The following MEGF11 variants were observed in gnomAD, a reference collection of about 807,000 sequenced individuals.
MEGF11 encodes the protein multiple epidermal growth factor-like domains protein 11.
A neutral mutation model predicts 146.6 loss-of-function variants in MEGF11; 126 were observed. The ratio of observed to expected loss-of-function variants is 0.86; its 90% CI spans 0.74 to 1.00. The LOEUF (loss-of-function observed/expected upper bound fraction) is 1.00, where lower values mean the gene tolerates loss of function less well. Among genes scored for constraint, MEGF11 ranks in the 50% least tolerant of loss-of-function variants. The pLI, the probability that MEGF11 is intolerant of heterozygous loss-of-function variation, is 0.00. For synonymous variants in MEGF11, 532 were observed against 583.4 expected, an observed-to-expected ratio of 0.91 and a Z score of 1.27; for missense variants, 1,509 against 1,521.2, an observed-to-expected ratio of 0.99 and a Z score of 0.13.
At chr15:65,938,899 G>C (rs1475030566) in intron 10 of MEGF11, among the ~76,000 whole-genome samples, 1 of 152,176 alleles carries the variant, frequency 6.6e-6, no homozygotes, top group African/African-American at 2.4e-5. Context: ...TTTCTCCCCT[G>C]CAATATGCTG....
chr15:66,048,425 G>A (rs978868173), intron 5 of MEGF11, among the ~76,000 whole-genome samples: 1 of 152,256 alleles, frequency 6.6e-6, no homozygotes, highest in Non-Finnish European at 1.5e-5. Context: ...AACAGCCATT[G>A]GCATGGATTT....
chr15:65,942,974 CTTTTTTTTTTTTTTTTTTT>C (rs58874869), intron 10 of MEGF11, among the ~76,000 whole-genome samples: 3 of 47,620 alleles, frequency 6.3e-5, no homozygotes, highest in Admixed American at 2.6e-4. Context: ...AACAACTTGG[CTTTTTTTTTTTTTTTTTTT>C]TTTTTTTTTT....
At chr15:66,217,112 G>A (rs2091604713) in intron 1 of MEGF11, among the ~76,000 whole-genome samples, 5 of 151,490 alleles carry the variant, frequency 3.3e-5, no homozygotes, top group Admixed American at 3.3e-4. Context: ...AAATCTTGCT[G>A]CATGAGATCT....
chr15:66,099,561 G>A (rs2086700689), intron 4 of MEGF11, among the ~76,000 whole-genome samples: 1 of 152,090 alleles, frequency 6.6e-6, no homozygotes, highest in Admixed American at 6.6e-5. Flanking sequence ...CAAGGTCCCT[G>A]CTCTGCCACT....
intron 1 of MEGF11, among the ~76,000 whole-genome samples, chr15:66,223,163 G>A (rs776501439): frequency 6.6e-5 from 10 of 152,172 alleles, no homozygotes; most frequent in Non-Finnish European, 1.3e-4. Context: ...GCAATAAAAA[G>A]GAATGAAGTA....
intron 9 of MEGF11, 55 bp downstream of exon 9, chr15:65,964,853 C>G: frequency 6.8e-7 from 1 of 1,479,298 alleles, no homozygotes; most frequent in Non-Finnish European, 9.1e-7. Flanking sequence ...CAAGCCTCCT[C>G]TCTACCTGAG....
chr15:65,976,650 C>A (rs1234504756), intron 7 of MEGF11, among the ~76,000 whole-genome samples: 1 of 152,238 alleles, frequency 6.6e-6, no homozygotes, highest in African/African-American at 2.4e-5. Context: ...GTTCAAGCCG[C>A]CTAGTCTGTG....
At chr15:66,048,556 A>T (rs1162245243) in intron 5 of MEGF11, among the ~76,000 whole-genome samples, 1 of 152,218 alleles carries the variant, frequency 6.6e-6, no homozygotes, top group African/African-American at 2.4e-5. Flanking sequence ...CACCTCCCCG[A>T]CAGCTCACTG....
chr15:66,219,677 T>C (rs529464057), intron 1 of MEGF11, among the ~76,000 whole-genome samples: 1 of 147,106 alleles, frequency 6.8e-6, no homozygotes, highest in Admixed American at 7.1e-5. Context: ...TTAAATGTGC[T>C]TGGCAAGTGG....
chr15:66,189,168 C>T (rs8034534), intron 1 of MEGF11, among the ~76,000 whole-genome samples: 6,797 of 152,066 alleles, frequency 0.045, 221 homozygotes, highest in African/African-American at 0.081. Flanking sequence ...ACCTAATTAC[C>T]GCCCCGTTCT....
At chr15:66,195,993 CG>C (rs1244104805) in intron 1 of MEGF11, among the ~76,000 whole-genome samples, 1 of 152,038 alleles carries the variant, frequency 6.6e-6, no homozygotes, top group African/African-American at 2.4e-5. Context: ...TTAACCAGAG[CG>C]GGGTAAGTGG....
rs372324629 is a variant in MEGF11 at position 66,033,849 on chromosome 15, C to T, written c.395-51361G>A. On this transcript the variant is annotated intron_variant, in intron 5 of 25. Transcript: ENST00000395614. ...CCCTGTTGCCCAGACTAGAGTGCAGCGCCATGATCTTGGCTTACTGCAACT... is the reference window on the plus strand; with the variant it reads ...CCCTGTTGCCCAGACTAGAGTGCAGTGCCATGATCTTGGCTTACTGCAACT... 1.4e-4 allele frequency among the ~76,000 whole-genome samples: 22 copies of T among 152,274 alleles called. No individual in the cohort carries two copies. In the East Asian group the frequency reaches 1.7e-3, roughly 12 times the overall value.
chr15:65,959,550 GTCTTTAAT>G (rs1288020230), intron 9 of MEGF11, among the ~76,000 whole-genome samples: 2 of 152,142 alleles, frequency 1.3e-5, no homozygotes, highest in Non-Finnish European at 2.9e-5. Flanking sequence ...TTACTTTTAA[GTCTTTAAT>G]ACTTTAATAC....
At chr15:66,134,335 A>G (rs546007696) in intron 1 of MEGF11, among the ~76,000 whole-genome samples, 1 of 152,284 alleles carries the variant, frequency 6.6e-6, no homozygotes, top group East Asian at 1.9e-4. Context: ...TCGAAGATGA[A>G]GGGAGAAAAC....
chr15:65,896,157 A>G lies in MEGF11; in HGVS notation c.*1777T>C, dbSNP rs987780780. 3 of 152,592 alleles carry G rather than the reference A, an allele frequency of 2.0e-5. No homozygotes were observed. Among genetic ancestry groups the G allele is most frequent in the Admixed American group, 6.5e-5 (1 of 15,282 alleles). 9.5% of individuals were successfully genotyped at this position (152,592 alleles called of 1,614,324 possible). On this transcript the variant is annotated 3_prime_UTR_variant, in exon 26 of 26. Coordinates refer to ENST00000395614, the MANE Select transcript of MEGF11 (RefSeq NM_001385028.1). ...TTCTTTCTACATATGTATGAGAAAT[A>G]TTTACTTGGGTCTCCAAAGTAATTT...
intron 1 of MEGF11, among the ~76,000 whole-genome samples, chr15:66,235,635 A>C (rs1310076246): frequency 2.0e-5 from 3 of 152,108 alleles, no homozygotes; most frequent in Non-Finnish European, 2.9e-5. Flanking sequence ...GAGCAACAGC[A>C]CTACACCCCA....
chr15:66,081,507 T>C (rs575681181), intron 5 of MEGF11, among the ~76,000 whole-genome samples: 52 of 152,298 alleles, frequency 3.4e-4, no homozygotes, highest in Middle Eastern at 3.4e-3. Flanking sequence ...GCCTTCCAAG[T>C]AGCTGGGATT....
At chr15:66,211,418 G>A (rs2091447055) in intron 1 of MEGF11, among the ~76,000 whole-genome samples, 1 of 151,798 alleles carries the variant, frequency 6.6e-6, no homozygotes, top group Non-Finnish European at 1.5e-5. Context: ...CAGCTACTCA[G>A]GAGGCTGAGG....
chr15:65,924,383 G>T (rs1410813620), intron 13 of MEGF11, among the ~76,000 whole-genome samples: 2 of 130,186 alleles, frequency 1.5e-5, no homozygotes, highest in Non-Finnish European at 1.6e-5. Flanking sequence ...TGGGGGGGGG[G>T]GCAAGTGGTT....
Sources: gnomAD v4.1 joint callset for allele counts (sites outside exome capture counted in the v4.1 genomes callset) on GRCh38, gnomAD v4.1.1 for gene constraint, MANE v1.5 for transcripts, NCBI Gene and HGNC (gene_info 2026-07-23, HGNC 2026-07-21) for gene names.